Variants in TYW1B observed in about 807,000 individuals in gnomAD.
TYW1B encodes the protein tRNA-yW synthesizing protein 1 homolog B, also known as S-adenosyl-L-methionine-dependent tRNA 4-demethylwyosine synthase TYW1B.
A neutral mutation model predicts 86.9 loss-of-function variants in TYW1B; 73 were observed. The ratio of observed to expected loss-of-function variants is 0.84; its 90% CI spans 0.70 to 1.02. The LOEUF (loss-of-function observed/expected upper bound fraction) is 1.02. Among genes scored for constraint, TYW1B ranks in the 50% least tolerant of loss-of-function variants. The pLI is 0.00. For missense variants in TYW1B, 637 were observed against 827.4 expected (o/e 0.77, Z 2.82); for synonymous variants, 248 against 292.8 (o/e 0.85, Z 1.56).
At chr7:72,714,325 T>C (rs1172153464) in intron 9 of TYW1B, among the ~76,000 whole-genome samples, 33 of 152,158 alleles carry the variant, frequency 2.2e-4, no homozygotes, top group Middle Eastern at 3.4e-3. Context: ...CTTCAAAAAA[T>C]ACTTCTACAG....
At chr7:72,749,954 A>G (rs2129571452) in intron 7 of TYW1B, among the ~76,000 whole-genome samples, 1 of 121,350 alleles carries the variant, frequency 8.2e-6, no homozygotes, top group African/African-American at 3.2e-5. Flanking sequence ...TTTGTCACCC[A>G]TCATAGCTCA....
chr7:72,622,358 A>G (rs1399717042), intron 12 of TYW1B, among the ~76,000 whole-genome samples: 1 of 152,254 alleles, frequency 6.6e-6, no homozygotes, highest in Non-Finnish European at 1.5e-5. Context: ...AATGTGCTTA[A>G]TGGAAAGTGA....
chr7:72,697,343 T>C (rs1814346568), intron 10 of TYW1B, among the ~76,000 whole-genome samples: 1 of 151,628 alleles, frequency 6.6e-6, no homozygotes, highest in Non-Finnish European at 1.5e-5. Flanking sequence ...GGAATTCTAG[T>C]CAATACCAGA....
chr7:72,647,110 AC>A (rs141610575), intron 11 of TYW1B, among the ~76,000 whole-genome samples: 1,757 of 152,320 alleles, frequency 0.012, 19 homozygotes, highest in Admixed American at 0.024. Flanking sequence ...GTACTGACTT[AC>A]TGGTAATCAA....
intron 11 of TYW1B, among the ~76,000 whole-genome samples, chr7:72,686,442 A>C (rs1162394264): frequency 1.3e-5 from 2 of 152,234 alleles, no homozygotes; most frequent in African/African-American, 4.8e-5. Context: ...TAAGTGAAAG[A>C]AGCAAATCTG....
intron 11 of TYW1B, among the ~76,000 whole-genome samples, chr7:72,669,085 A>T (rs1813531265): frequency 6.7e-6 from 1 of 149,684 alleles, no homozygotes; most frequent in African/African-American, 2.5e-5. Context: ...ACAGTCATTT[A>T]TACACAAAAA....
intron 13 of TYW1B, among the ~76,000 whole-genome samples, chr7:72,577,019 T>C (rs1242501946): frequency 1.3e-5 from 2 of 151,756 alleles, no homozygotes; most frequent in African/African-American, 4.8e-5. Context: ...CCCAGCTACT[T>C]GGGAGGCTGA....
intron 10 of TYW1B, among the ~76,000 whole-genome samples, chr7:72,695,343 T>C (rs1158941886): frequency 1.3e-5 from 2 of 152,196 alleles, no homozygotes; most frequent in African/African-American, 2.4e-5. Flanking sequence ...CTGGGTTTCA[T>C]GTCAAGCCTT....
At chr7:72,609,363 A>G (rs1811877105) in intron 13 of TYW1B, among the ~76,000 whole-genome samples, 1 of 152,100 alleles carries the variant, frequency 6.6e-6, no homozygotes, top group Non-Finnish European at 1.5e-5. Context: ...GTTTGACAGC[A>G]GCCTGGCCAA....
At chr7:72,616,273 C>G (rs1473131201) in intron 13 of TYW1B, among the ~76,000 whole-genome samples, 2 of 152,164 alleles carry the variant, frequency 1.3e-5, no homozygotes, top group Non-Finnish European at 2.9e-5. Context: ...AAGATTCAAG[C>G]AATCTAAAAT....
chr7:72,635,602 T>C lies in TYW1B; in HGVS notation c.1507-6605A>G, dbSNP rs1279382156. 2.0e-5 allele frequency among the ~76,000 whole-genome samples: 3 copies of C among 152,344 alleles called. No homozygotes were observed. The East Asian group carries it at 5.8e-4, about 29-fold the overall frequency. On this transcript the variant is annotated intron_variant, in intron 11 of 13. Transcript: ENST00000620995. ...CTACAGTGGAGCAAGTTCTCTTATG[T>C]CGTCCTTCTGAAAGAGTATGGTGGC...
At chr7:72,774,376 C>T (rs1206448527) in intron 7 of TYW1B, among the ~76,000 whole-genome samples, 15 of 92,792 alleles carry the variant, frequency 1.6e-4, no homozygotes, top group Admixed American at 3.6e-4. Context: ...AACCTTGTCC[C>T]AGGGGAAAAA....
In TYW1B at chr7:72,676,890, G is replaced by A. The variant is rs147210158; in HGVS notation, c.1506+17797C>T. 5.3e-5 allele frequency among the ~76,000 whole-genome samples: 8 copies of A among 152,096 alleles called. No homozygotes were observed. The South Asian group carries it at 6.2e-4, about 12-fold the overall frequency. Reference sequence around the variant, plus strand: ...GGAGGATCGCTTGAACCCAGGAGGCGGAGGTTGCAGTGTGCTAAGATCACG... The same window carrying A: ...GGAGGATCGCTTGAACCCAGGAGGCAGAGGTTGCAGTGTGCTAAGATCACG... On this transcript the variant is annotated intron_variant, in intron 11 of 13. Coordinates refer to ENST00000620995, the MANE Select transcript of TYW1B (RefSeq NM_001145440.3).
chr7:72,808,728 T>C (rs1302788760), intron 4 of TYW1B, among the ~76,000 whole-genome samples: 1 of 151,906 alleles, frequency 6.6e-6, no homozygotes, highest in African/African-American at 2.4e-5. Context: ...GGTTTCTCCA[T>C]GTTGGTCAGG....
intron 13 of TYW1B, among the ~76,000 whole-genome samples, chr7:72,594,782 T>C (rs557791053): frequency 3.3e-5 from 5 of 152,190 alleles, no homozygotes; most frequent in Admixed American, 2.6e-4. Flanking sequence ...TTCAGCAGCA[T>C]ATTAAAAGAA....
intron 7 of TYW1B, among the ~76,000 whole-genome samples, chr7:72,751,908 T>C (rs781817655): frequency 3.3e-5 from 5 of 152,252 alleles, no homozygotes; most frequent in Admixed American, 2.0e-4. Flanking sequence ...TGGAGCTATC[T>C]GAGGGGGAGG....
chr7:72,693,290 T>C (rs1372955888), intron 11 of TYW1B, among the ~76,000 whole-genome samples: 1 of 152,008 alleles, frequency 6.6e-6, no homozygotes, highest in Admixed American at 6.6e-5. Flanking sequence ...AAAGGCCAAA[T>C]GTTTGCAGAA....
chr7:72,659,926 T>C (rs1456121504), intron 11 of TYW1B, among the ~76,000 whole-genome samples: 2 of 152,178 alleles, frequency 1.3e-5, no homozygotes, highest in East Asian at 3.8e-4. Flanking sequence ...AGTATCCTAA[T>C]GGTGAGTCTA....
intron 11 of TYW1B, among the ~76,000 whole-genome samples, chr7:72,647,423 T>C (rs1216390830): frequency 1.3e-5 from 2 of 152,242 alleles, no homozygotes; most frequent in Non-Finnish European, 2.9e-5. Flanking sequence ...TCTAGCTTTA[T>C]AATAATGAGA....
Sources: gnomAD v4.1 joint callset for allele counts (sites outside exome capture counted in the v4.1 genomes callset) on GRCh38, gnomAD v4.1.1 for gene constraint, MANE v1.5 for transcripts, NCBI Gene and HGNC (gene_info 2026-07-23, HGNC 2026-07-21) for gene names.